KRT80: variants seen among roughly 807,000 people sequenced by gnomAD.
KRT80 encodes keratin 80.
Under a neutral mutation model 51.5 loss-of-function variants are expected in KRT80, and 36 were observed. The observed-to-expected ratio is 0.70, with a 90% CI of 0.54 to 0.92. The LOEUF (loss-of-function observed/expected upper bound fraction) is 0.92. Among genes scored for constraint, KRT80 ranks in the 40% least tolerant of loss-of-function variants. The pLI, the probability that KRT80 is intolerant of heterozygous loss-of-function variation, is 0.00. For synonymous variants in KRT80, 235 were observed against 248.3 expected, an observed-to-expected ratio of 0.95 and a Z score of 0.50; for missense variants, 566 against 591.7, an observed-to-expected ratio of 0.96 and a Z score of 0.45.
chr12:52,177,137 G>T (rs74688063), intron 4 of KRT80, among the ~76,000 whole-genome samples: 1 of 152,158 alleles, frequency 6.6e-6, no homozygotes, highest in Non-Finnish European at 1.5e-5. Context: ...TAGAGTTGTC[G>T]TGAGAATTAA....
chr12:52,170,074 T>C lies in KRT80; in HGVS notation c.*1324A>G, dbSNP rs759719107. Reference sequence around the variant, plus strand: ...TGGGATGCCTCTGCAAGCCTCAGCATTGAGAGCCAAGAGGAGGAGATAGGA... The same window carrying C: ...TGGGATGCCTCTGCAAGCCTCAGCACTGAGAGCCAAGAGGAGGAGATAGGA... On this transcript the variant is annotated 3_prime_UTR_variant, in exon 9 of 9. Transcript: ENST00000394815. 6.6e-6 allele frequency: 1 copy of C among 152,408 alleles called. No individual in the cohort carries two copies. The highest frequency in any genetic ancestry group is 2.4e-5 in the African/African-American group (1 of 41,454). The allele number at this position is 152,408 out of a possible 1,614,324, so 9.4% of individuals were successfully genotyped here.
chr12:52,187,111 C>A (rs901378698), intron 1 of KRT80, among the ~76,000 whole-genome samples: 1 of 152,238 alleles, frequency 6.6e-6, no homozygotes. Flanking sequence ...CAGGGATAGG[C>A]CATGAGGGCA....
At chr12:52,173,851 G>T in intron 4 of KRT80, 87 bp from the exon 5 acceptor site, 1 of 1,371,250 alleles carries the variant, frequency 7.3e-7, no homozygotes, top group Non-Finnish European at 1.0e-6. Context: ...TCCCCGGGGT[G>T]AGCGGAGAGT....
rs145478871 is a variant in KRT80 at position 52,185,504 on chromosome 12, G to A, written c.384C>T (p.Leu128=). 7 of 1,613,816 alleles carry A rather than the reference G, an allele frequency of 4.3e-6. No homozygotes were observed. The highest frequency in any genetic ancestry group is 5.9e-6 in the Non-Finnish European group (7 of 1,180,028). ...LQGQDSAIFD[L]GHLYEEYQGR... is the part of the protein sequence containing the mutation. ...CCTGATATTCCTCATAGAGATGCCC[G>A]AGGTCGAAGATGGCTGAGTCCTGGC... Residue 128 remains leucine, a synonymous_variant, in exon 2 of 9, where the codon CTC becomes CTT. Transcript: ENST00000394815.
intron 4 of KRT80, among the ~76,000 whole-genome samples, chr12:52,176,724 G>A (rs568453681): frequency 2.2e-4 from 34 of 152,146 alleles, no homozygotes; most frequent in Non-Finnish European, 2.9e-4. Flanking sequence ...CAGGTTATCC[G>A]CCCGCTTCGG....
chr12:52,188,605 A>G (rs1941439722), intron 1 of KRT80, among the ~76,000 whole-genome samples: 1 of 152,206 alleles, frequency 6.6e-6, no homozygotes, highest in Non-Finnish European at 1.5e-5. Context: ...GCTTTTCTGC[A>G]TACAGGCAGG....
intron 4 of KRT80, among the ~76,000 whole-genome samples, chr12:52,175,538 C>G (rs942430411): frequency 6.6e-6 from 1 of 152,064 alleles, no homozygotes; most frequent in Non-Finnish European, 1.5e-5. Flanking sequence ...CTGTAGACGA[C>G]AGGGATGAGG....
Position 52,171,451 on chromosome 12 carries a change from T to C in KRT80, c.1306A>G (p.Ile436Val), listed in dbSNP as rs757670176. ...AAGTACTTCTCTGACATTTCGGTGA[T>C]TTTGATCACGGGGCCTTTGCTGCCC... The part of the protein sequence containing the change: ...KKGSKGPVIK[I>V]TEMSEKYFSQ... The change falls in exon 9 of 9, where the codon ATC becomes GTC. Residue 436 changes from isoleucine to valine, a missense_variant. Ile to Val is a conservative substitution (Grantham distance 29). Transcript: ENST00000394815. The C allele has an allele frequency of 6.2e-7, 1 of 1,612,910 alleles. No individual in the cohort carries two copies. Among genetic ancestry groups the C allele is most frequent in the South Asian group, 1.1e-5 (1 of 90,864 alleles).
At chr12:52,190,426 A>G (rs1361179099) in intron 1 of KRT80, among the ~76,000 whole-genome samples, 1 of 152,232 alleles carries the variant, frequency 6.6e-6, no homozygotes, top group Admixed American at 6.5e-5. Flanking sequence ...ATGTTCCTCC[A>G]GAGGGCAAGG....
intron 2 of KRT80, 57 bp downstream of exon 2, chr12:52,185,322 C>A (rs1941385803): frequency 6.6e-7 from 1 of 1,522,584 alleles, no homozygotes. Flanking sequence ...CCCATCTGAG[C>A]ACAGCTTGGT....
intron 4 of KRT80, among the ~76,000 whole-genome samples, chr12:52,175,934 G>A: frequency 6.6e-6 from 1 of 152,184 alleles, no homozygotes; most frequent in Non-Finnish European, 1.5e-5. Context: ...CTTTGAGGCT[G>A]TTTTGGTTGA....
At position 52,173,593 on chromosome 12, in the gene KRT80, G is replaced by T; in HGVS notation, c.831+7C>A. On this transcript the variant is annotated splice_region_variant and intron_variant, in intron 5 of 8. Transcript: ENST00000394815. ...CTGCTTCTCGTGCCCTGTGTGGTCA[G>T]CCCCACCTGGCTCCGAGAGTATGCC... is the stretch of plus-strand genomic sequence containing the variant. 6.2e-7 allele frequency: 1 copy of T among 1,611,794 alleles called. No homozygotes were observed.
rs1191867502 is a variant in KRT80 at position 52,185,386 on chromosome 12, G to T, written c.502C>A (p.Arg168=). 1 of 1,611,714 alleles carries T rather than the reference G, an allele frequency of 6.2e-7. No individual in the cohort carries two copies. The highest frequency in any genetic ancestry group is 2.2e-5 in the East Asian group (1 of 44,854). The change falls in exon 2 of 9, where the codon CGA becomes AGA. Residue 168 remains arginine (R), a synonymous_variant. Coordinates refer to ENST00000394815, the MANE Select transcript of KRT80 (RefSeq NM_182507.3). The part of the protein sequence containing the change: ...LQVLEKVEEF[R]IRYEDEISKR... ...TCATGGGGCTCTACGTACCTGATTCGAAACTCCTCAACCTTCTCCAGCACC... is the reference window on the plus strand; with the variant it reads ...TCATGGGGCTCTACGTACCTGATTCTAAACTCCTCAACCTTCTCCAGCACC...
chr12:52,182,314 C>T (rs1305637328), intron 2 of KRT80, among the ~76,000 whole-genome samples: 1 of 152,080 alleles, frequency 6.6e-6, no homozygotes, highest in East Asian at 1.9e-4. Context: ...CTCAGAGCAC[C>T]CAGCTAGGGA....
rs766555382 is a variant in KRT80 at position 52,173,141 on chromosome 12, G to C, written c.854C>G (p.Ser285Trp). 2 of 1,610,778 alleles carry C rather than the reference G, an allele frequency of 1.2e-6. No individual in the cohort carries two copies. The highest frequency in any genetic ancestry group is 1.3e-5 in the African/African-American group (1 of 74,868). Reference sequence around the variant, plus strand: ...CTGGAGGCTGCTCCCATACTCGGCCGAGCGGGCGGCCTGCTCCTCCAGCTG... The same window carrying C: ...CTGGAGGCTGCTCCCATACTCGGCCCAGCGGGCGGCCTGCTCCTCCAGCTG... Reference protein sequence around the residue: ...RSQLEEQAARSAEYGSSLQSS... With the variant: ...RSQLEEQAARWAEYGSSLQSS... Residue 285 changes from serine (S) to tryptophan (W), a missense_variant, in exon 6 of 9, where the codon TCG (serine) becomes TGG (tryptophan). By Grantham distance (177) the Ser-to-Trp change is radical. Coordinates refer to ENST00000394815, the MANE Select transcript of KRT80 (RefSeq NM_182507.3).
At chr12:52,174,638 A>T (rs1941188171) in intron 4 of KRT80, among the ~76,000 whole-genome samples, 1 of 152,250 alleles carries the variant, frequency 6.6e-6, no homozygotes, top group African/African-American at 2.4e-5. Context: ...CCAGAGGAGG[A>T]AACTGAGGCA....
At chr12:52,181,643 T>C (rs1941322784) in intron 2 of KRT80, among the ~76,000 whole-genome samples, 1 of 152,224 alleles carries the variant, frequency 6.6e-6, no homozygotes, top group South Asian at 2.1e-4. Flanking sequence ...ACAGGCCGCA[T>C]AGGCCATACT....
Position 52,185,974 on chromosome 12 carries a change from G to T in KRT80, c.301-387C>A, listed in dbSNP as rs149328944. On this transcript the variant is annotated intron_variant, in intron 1 of 8. Transcript: ENST00000394815. ...GGCCTATCTGCCCCCTTGCCACCAC[G>T]ACAAGTGTGGTCCCATCTTGTCCTG... Among the ~76,000 whole-genome samples the T allele has an allele frequency of 9.2e-5, 14 of 152,062 alleles. No homozygotes were observed. In the East Asian group the frequency reaches 2.7e-3, roughly 30 times the overall value.
intron 4 of KRT80, among the ~76,000 whole-genome samples, chr12:52,175,509 C>T (rs755179951): frequency 9.2e-5 from 14 of 151,958 alleles, no homozygotes; most frequent in South Asian, 4.2e-4. Context: ...CTGTCTCAGG[C>T]GGAGGCTGGA....
Sources: gnomAD v4.1 joint callset for allele counts (sites outside exome capture counted in the v4.1 genomes callset) on GRCh38, gnomAD v4.1.1 for gene constraint, MANE v1.5 for transcripts, NCBI Gene and HGNC (gene_info 2026-07-23, HGNC 2026-07-21) for gene names.